The following KAZN variants were observed in gnomAD, a reference collection of about 807,000 sequenced individuals.
The protein encoded by KAZN is kazrin, periplakin interacting protein, also known as kazrin.
Under a neutral mutation model 87.4 loss-of-function variants are expected in KAZN, and 40 were observed. The observed-to-expected ratio is 0.46, with a 90% CI of 0.36 to 0.60. The LOEUF (loss-of-function observed/expected upper bound fraction) is 0.60, where lower values mean the gene tolerates loss of function less well. Among genes scored for constraint, KAZN ranks in the 20% least tolerant of loss-of-function variants. KAZN has a pLI of 0.00. For missense variants in KAZN, 898 were observed against 1,073.9 expected, an observed-to-expected ratio of 0.84 and a Z score of 2.29; for synonymous variants, 466 against 458.3, an observed-to-expected ratio of 1.02 and a Z score of -0.22.
intron 1 of KAZN, among the ~76,000 whole-genome samples, chr1:13,948,160 G>A (rs1001143557): frequency 2.0e-5 from 3 of 152,144 alleles, no homozygotes; most frequent in Non-Finnish European, 4.4e-5. Context: ...TCCTACTACA[G>A]GTATAGAAGA....
chr1:14,587,149 A>G (rs1675900212), intron 2 of KAZN, among the ~76,000 whole-genome samples: 1 of 152,208 alleles, frequency 6.6e-6, no homozygotes, highest in African/African-American at 2.4e-5. Context: ...GTAATTGACA[A>G]AAGGGGCCAG....
intron 1 of KAZN, among the ~76,000 whole-genome samples, chr1:13,960,568 G>T (rs1355880935): frequency 6.6e-6 from 1 of 152,190 alleles, no homozygotes; most frequent in African/African-American, 2.4e-5. Context: ...TGCAGCCACA[G>T]TGACCTCTGG....
intron 1 of KAZN, among the ~76,000 whole-genome samples, chr1:13,917,295 C>T (rs2100889191): frequency 6.6e-6 from 1 of 152,298 alleles, no homozygotes; most frequent in Middle Eastern, 3.4e-3. Flanking sequence ...GGCTACCCTA[C>T]ACAATAGATT....
intron 1 of KAZN, among the ~76,000 whole-genome samples, chr1:14,176,587 T>C (rs1387953848): frequency 6.6e-6 from 1 of 152,122 alleles, no homozygotes; most frequent in African/African-American, 2.4e-5. Flanking sequence ...TCCATCCTTC[T>C]CTGTTTTAGC....
In KAZN at chr1:14,883,344, A is replaced by AGAG. The variant is rs1557586164; in HGVS notation, c.227-77340_227-77339insGAG. Among the ~76,000 whole-genome samples the AGAG allele has an allele frequency of 5.1e-3, 150 of 29,674 alleles. 33 individuals carry two copies. Among genetic ancestry groups the AGAG allele is most frequent in the East Asian group, 9.4e-3 (3 of 320 alleles). The allele number at this position is 29,674 out of a possible 152,430, so 19.5% of individuals were successfully genotyped here. The stretch of plus-strand genomic sequence containing the variant: ...AGAGAGAGAGAGAGAGAGAGAGAGA[A>AGAG]AGAAAGAAAGAAAAGAAAGAAAGAA... On this transcript the variant is annotated intron_variant, in intron 1 of 14. Transcript: ENST00000376030.
At chr1:14,007,882 A>G (rs1010541744) in intron 1 of KAZN, among the ~76,000 whole-genome samples, 4 of 152,194 alleles carry the variant, frequency 2.6e-5, no homozygotes, top group African/African-American at 9.7e-5. Context: ...ACAGGATTCA[A>G]GCGTCCTAGG....
At chr1:14,995,175 C>A (rs540516635) in intron 2 of KAZN, among the ~76,000 whole-genome samples, 1 of 152,356 alleles carries the variant, frequency 6.6e-6, no homozygotes, top group African/African-American at 2.4e-5. Context: ...GCAGTGCCCT[C>A]AGTTACATAC....
At chr1:14,120,226 A>G (rs1320830140) in intron 1 of KAZN, among the ~76,000 whole-genome samples, 1 of 152,166 alleles carries the variant, frequency 6.6e-6, no homozygotes, top group Non-Finnish European at 1.5e-5. Context: ...TAATCATAGA[A>G]GAAGGCAAAG....
Position 15,030,236 on chromosome 1 carries a change from G to A in KAZN, c.419-4513G>A, listed in dbSNP as rs12073191. ...CTCTTCCTTAAGGAGCCTTCTGACC[G>A]GGATGCATCTTTATTTTTATTTTGA... On this transcript the variant is annotated intron_variant, in intron 2 of 14. Coordinates refer to ENST00000376030, the MANE Select transcript of KAZN (RefSeq NM_201628.3). Among the ~76,000 whole-genome samples the A allele has an allele frequency of 9.2e-3, 1,407 of 152,188 alleles. 14 individuals carry two copies. Among genetic ancestry groups the A allele is most frequent in the African/African-American group, 0.032 (1,330 of 41,518 alleles).
At chr1:13,953,408 C>T (rs1046972174) in intron 1 of KAZN, among the ~76,000 whole-genome samples, 2 of 152,188 alleles carry the variant, frequency 1.3e-5, no homozygotes, top group African/African-American at 4.8e-5. Context: ...TCAGGATGAA[C>T]TGAGTGAGTT....
intron 1 of KAZN, among the ~76,000 whole-genome samples, chr1:14,797,822 C>T (rs1737349): frequency 0.6 from 90,621 of 151,910 alleles, 27,000 homozygotes; most frequent in East Asian, 0.64. Context: ...ATTGAGTAGC[C>T]GTGAGGATTC....
chr1:14,743,764 C>T (rs143329942), intron 1 of KAZN, among the ~76,000 whole-genome samples: 6 of 152,206 alleles, frequency 3.9e-5, no homozygotes, highest in East Asian at 3.9e-4. Context: ...CTTTATTTAG[C>T]GTTGGCAGTG....
At chr1:13,897,762 A>T (rs925726594) in intron 1 of KAZN, among the ~76,000 whole-genome samples, 30 of 152,190 alleles carry the variant, frequency 2.0e-4, no homozygotes, top group Non-Finnish European at 4.3e-4. Flanking sequence ...AAAGGGTTTT[A>T]AAAAATGTGT....
intron 1 of KAZN, among the ~76,000 whole-genome samples, chr1:13,917,514 G>A (rs924285582): frequency 3.9e-5 from 6 of 152,218 alleles, no homozygotes; most frequent in East Asian, 1.9e-4. Context: ...TACTAAATAC[G>A]GCTGGGTGTG....
At chr1:14,138,852 G>C (rs928837371) in intron 1 of KAZN, among the ~76,000 whole-genome samples, 5 of 101,406 alleles carry the variant, frequency 4.9e-5, no homozygotes, top group Admixed American at 1.2e-4. Flanking sequence ...GTGTTCCAAG[G>C]CAGGCATGGC....
intron 1 of KAZN, among the ~76,000 whole-genome samples, chr1:14,091,351 CCTCTT>C (rs879853690): frequency 5.3e-5 from 8 of 152,052 alleles, no homozygotes; most frequent in Admixed American, 4.6e-4. Flanking sequence ...TGTTCCTTCT[CCTCTT>C]CTCTTAAGGA....
intron 1 of KAZN, among the ~76,000 whole-genome samples, chr1:13,897,731 A>T (rs1259740931): frequency 6.6e-6 from 1 of 152,192 alleles, no homozygotes; most frequent in Non-Finnish European, 1.5e-5. Context: ...TGCTCAAAAA[A>T]GGCAATTCCA....
chr1:14,790,977 C>A (rs116816562), intron 1 of KAZN, among the ~76,000 whole-genome samples: 2,533 of 151,342 alleles, frequency 0.017, 42 homozygotes, highest in African/African-American at 0.043. Context: ...TAGGTGTGAG[C>A]CACCGCACCG....
intron 1 of KAZN, among the ~76,000 whole-genome samples, chr1:13,900,987 T>G (rs1442280686): frequency 6.6e-6 from 1 of 151,932 alleles, no homozygotes; most frequent in Non-Finnish European, 1.5e-5. Flanking sequence ...TTCCTTCTGG[T>G]CATGTCTTCC....
Sources: gnomAD v4.1 joint callset for allele counts (sites outside exome capture counted in the v4.1 genomes callset) on GRCh38, gnomAD v4.1.1 for gene constraint, MANE v1.5 for transcripts, NCBI Gene and HGNC (gene_info 2026-07-23, HGNC 2026-07-21) for gene names.